Variants in CCSER1 observed in about 807,000 individuals in gnomAD.
CCSER1 encodes the protein serine-rich coiled-coil domain-containing protein 1.
A neutral mutation model predicts 82.0 loss-of-function variants in CCSER1; 41 were observed. The observed-to-expected ratio is 0.50, with a 90% CI of 0.39 to 0.65. The LOEUF is 0.65. Among genes scored for constraint, CCSER1 ranks in the 30% least tolerant of loss-of-function variants. The probability of loss-of-function intolerance (pLI) is 0.00; values close to 1 mark genes in which losing one functional copy is unlikely to be tolerated. For missense variants in CCSER1, 1,119 were observed against 1,064.2 expected, an observed-to-expected ratio of 1.05 and a Z score of -0.72; for synonymous variants, 414 against 383.9, an observed-to-expected ratio of 1.08 and a Z score of -0.92.
At chr4:91,520,892 A>T (rs538428805) in intron 10 of CCSER1, among the ~76,000 whole-genome samples, 2 of 151,862 alleles carry the variant, frequency 1.3e-5, no homozygotes, top group East Asian at 3.9e-4. Context: ...TCATTTATTC[A>T]TTTTTTTATT....
chr4:90,363,467 TG>T (rs1216200150), intron 3 of CCSER1, among the ~76,000 whole-genome samples: 1 of 152,054 alleles, frequency 6.6e-6, no homozygotes, highest in Non-Finnish European at 1.5e-5. Flanking sequence ...CCAGATCTGT[TG>T]GGGGGTTCTC....
intron 9 of CCSER1, among the ~76,000 whole-genome samples, chr4:90,978,975 A>T (rs1735858839): frequency 6.6e-6 from 1 of 151,706 alleles, no homozygotes; most frequent in African/African-American, 2.4e-5. Flanking sequence ...CCTAAGTACA[A>T]TAAATATTGA....
chr4:91,247,535 A>G (rs922301743), intron 10 of CCSER1, among the ~76,000 whole-genome samples: 1 of 152,132 alleles, frequency 6.6e-6, no homozygotes, highest in African/African-American at 2.4e-5. Flanking sequence ...TAACAAGCAC[A>G]CTAGAGCTCA....
intron 10 of CCSER1, among the ~76,000 whole-genome samples, chr4:91,348,637 A>G (rs1054838181): frequency 2.6e-5 from 4 of 152,156 alleles, no homozygotes; most frequent in Non-Finnish European, 5.9e-5. Context: ...AATTTTTTAA[A>G]TAGATGTTTA....
At chr4:91,294,028 T>C (rs1473608489) in intron 10 of CCSER1, among the ~76,000 whole-genome samples, 1 of 151,924 alleles carries the variant, frequency 6.6e-6, no homozygotes, top group Non-Finnish European at 1.5e-5. Flanking sequence ...CATTTCATGT[T>C]GAGGTCGCTC....
At chr4:91,549,045 G>A (rs1308074905) in intron 10 of CCSER1, among the ~76,000 whole-genome samples, 1 of 151,666 alleles carries the variant, frequency 6.6e-6, no homozygotes, top group African/African-American at 2.4e-5. Flanking sequence ...TTTTCTGTTT[G>A]TTTGTTTTTC....
chr4:91,539,905 A>T (rs555978313), intron 10 of CCSER1, among the ~76,000 whole-genome samples: 1 of 152,152 alleles, frequency 6.6e-6, no homozygotes, highest in Admixed American at 6.5e-5. Context: ...CCATTCACAG[A>T]TTGACGATGT....
intron 10 of CCSER1, among the ~76,000 whole-genome samples, chr4:91,273,251 T>C (rs1742182589): frequency 6.6e-6 from 1 of 152,200 alleles, no homozygotes. Flanking sequence ...TTTCCATTTG[T>C]TTGGGTCATC....
intron 7 of CCSER1, among the ~76,000 whole-genome samples, chr4:90,777,084 G>A (rs777519423): frequency 7.2e-5 from 11 of 152,192 alleles, no homozygotes; most frequent in East Asian, 1.9e-4. Flanking sequence ...TGCCGGGAGC[G>A]GTGGCTCATG....
At chr4:91,086,394 C>G (rs1178324454) in intron 10 of CCSER1, among the ~76,000 whole-genome samples, 1 of 152,042 alleles carries the variant, frequency 6.6e-6, no homozygotes, top group Non-Finnish European at 1.5e-5. Flanking sequence ...ATTTTCCTGT[C>G]AAAGGCTTTT....
chr4:90,791,434 A>G (rs534524864), intron 7 of CCSER1, among the ~76,000 whole-genome samples: 3 of 152,332 alleles, frequency 2.0e-5, no homozygotes, highest in East Asian at 1.9e-4. Context: ...AGCCTTCAAT[A>G]ACCATCACCC....
intron 3 of CCSER1, among the ~76,000 whole-genome samples, chr4:90,317,912 G>A (rs1421660605): frequency 6.6e-6 from 1 of 152,164 alleles, no homozygotes; most frequent in African/African-American, 2.4e-5. Context: ...CTAATCATAT[G>A]GCCCAAACTA....
At chr4:90,940,767 C>T (rs561147641) in intron 9 of CCSER1, among the ~76,000 whole-genome samples, 2 of 152,154 alleles carry the variant, frequency 1.3e-5, no homozygotes, top group South Asian at 2.1e-4. Context: ...GCAAACTTGT[C>T]GTCATCTTTC....
At chr4:90,988,925 A>T (rs891632639) in intron 9 of CCSER1, among the ~76,000 whole-genome samples, 6 of 151,776 alleles carry the variant, frequency 4.0e-5, no homozygotes, top group Non-Finnish European at 7.4e-5. Context: ...TTGAAAGTAA[A>T]CTAATCAACA....
intron 10 of CCSER1, among the ~76,000 whole-genome samples, chr4:91,092,545 G>C (rs1195013159): frequency 6.6e-6 from 1 of 152,208 alleles, no homozygotes; most frequent in African/African-American, 2.4e-5. Context: ...ACACATTGCT[G>C]TGCTGCTGTT....
chr4:90,352,984 G>T (rs200254125), intron 3 of CCSER1, among the ~76,000 whole-genome samples: 42,540 of 151,772 alleles, frequency 0.28, 6,546 homozygotes, highest in African/African-American at 0.41. Context: ...GCTATTTTAG[G>T]AACTGAGGAA....
At chr4:91,049,105 A>AG (rs2148704711) in intron 9 of CCSER1, among the ~76,000 whole-genome samples, 1 of 152,294 alleles carries the variant, frequency 6.6e-6, no homozygotes, top group East Asian at 1.9e-4. Context: ...CATATTAACT[A>AG]GGGGTGACTG....
At chr4:91,215,298 T>G (rs1315919692) in intron 10 of CCSER1, among the ~76,000 whole-genome samples, 1 of 152,162 alleles carries the variant, frequency 6.6e-6, no homozygotes, top group East Asian at 1.9e-4. Flanking sequence ...TCCAGTGGAA[T>G]TGATAAAGTA....
intron 3 of CCSER1, among the ~76,000 whole-genome samples, chr4:90,336,105 A>G (rs1740340234): frequency 6.6e-6 from 1 of 152,156 alleles, no homozygotes. Context: ...GTGATAATTA[A>G]TCCTTTTTTT....
Sources: allele counts gnomAD v4.1 joint callset (sites outside exome capture counted in the v4.1 genomes callset), GRCh38; gene constraint gnomAD v4.1.1; transcripts MANE v1.5; gene names NCBI Gene and HGNC (gene_info 2026-07-23, HGNC 2026-07-21).